The following CCDC158 variants were observed in gnomAD, a reference collection of about 807,000 sequenced individuals.
CCDC158 encodes coiled-coil domain containing 158.
In CCDC158, 116 loss-of-function variants were observed where a neutral mutation model predicts 138.6. The observed-to-expected ratio is 0.84, with a 90% CI of 0.72 to 0.98. CCDC158 has a LOEUF of 0.98. Among genes scored for constraint, CCDC158 ranks in the 50% least tolerant of loss-of-function variants. CCDC158 has a pLI of 0.00. For missense variants in CCDC158, 1,265 were observed against 1,306.1 expected, an observed-to-expected ratio of 0.97 and a Z score of 0.48; for synonymous variants, 436 against 442.4, an observed-to-expected ratio of 0.99 and a Z score of 0.18.
rs544169628 is a variant in CCDC158, at chr4:76,351,615, T to C, written c.2538+105A>G. ...CATTGCTATTAATAGTATCAAGTAA[T>C]GTTGAAATATACTTGAATGTGTATC... is the stretch of plus-strand genomic sequence containing the variant. On this transcript the variant is annotated intron_variant, in intron 17 of 24. Transcript: ENST00000682701. 3 of 674,524 alleles carry C rather than the reference T, an allele frequency of 4.4e-6. No individual in the cohort carries two copies. The East Asian group carries it at 8.0e-5, about 18-fold the overall frequency. The allele number at this position is 674,524 out of a possible 1,614,324, so 41.8% of individuals were successfully genotyped here. A position where few individuals can be genotyped will look rare whatever the true frequency, so the allele number is the denominator to read the frequency against.
At chr4:76,389,708 A>C (rs1262171561) in intron 4 of CCDC158, among the ~76,000 whole-genome samples, 2 of 152,248 alleles carry the variant, frequency 1.3e-5, no homozygotes, top group Non-Finnish European at 2.9e-5. Context: ...TCCTGAAAGC[A>C]GCAAGAGAAA....
At chr4:76,398,431 C>A (rs1728027801) in intron 3 of CCDC158, among the ~76,000 whole-genome samples, 2 of 152,052 alleles carry the variant, frequency 1.3e-5, no homozygotes, top group Non-Finnish European at 2.9e-5. Flanking sequence ...CTTTGGGAGG[C>A]CAAGGCAGGT....
rs1724778637 is a variant in CCDC158, at chr4:76,367,355, A to G, written c.1769T>C (p.Val590Ala). ...QHGRTAGAMQ[V>A]EKAQLEKEIN... The stretch of plus-strand genomic sequence containing the variant: ...TTCTTTCTCCAGTTGAGCTTTTTCT[A>G]CTTGCATAGCTCCAGCAGTTCGTCC... Residue 590 changes from valine (V) to alanine (A), a missense_variant, in exon 12 of 25, where the codon GTA becomes GCA. Val to Ala is a moderately conservative substitution (Grantham distance 64). Transcript: ENST00000682701. 5 of 1,614,050 alleles carry G rather than the reference A, an allele frequency of 3.1e-6. No individual in the cohort carries two copies. The East Asian group carries it at 1.1e-4, about 36-fold the overall frequency.
intron 20 of CCDC158, 100 bp from the exon 21 acceptor site, chr4:76,331,503 G>A: frequency 1.1e-6 from 1 of 934,452 alleles, no homozygotes; most frequent in Non-Finnish European, 1.7e-6. Context: ...CTTATGTAGG[G>A]TGAAATGGTA....
chr4:76,329,345 G>A (rs1022661295), intron 21 of CCDC158, among the ~76,000 whole-genome samples: 1 of 152,060 alleles, frequency 6.6e-6, no homozygotes, highest in Non-Finnish European at 1.5e-5. Context: ...CAGCACTTTC[G>A]GAGGCTGACG....
rs117960582 is a variant in CCDC158 at position 76,386,262 on chromosome 4, A to G, written c.289-1597T>C. On this transcript the variant is annotated intron_variant, in intron 4 of 24. Coordinates refer to ENST00000682701, the MANE Select transcript of CCDC158 (RefSeq NM_001394954.1). Reference sequence around the variant, plus strand: ...TCTGCACACAGAAGAGCACCATCATAAGAACACGAAAGTCAAGTGAAAAAT... The same window carrying G: ...TCTGCACACAGAAGAGCACCATCATGAGAACACGAAAGTCAAGTGAAAAAT... Among the ~76,000 whole-genome samples the G allele has an allele frequency of 5.5e-4, 68 of 124,126 alleles. 1 individual carries two copies. The East Asian group carries it at 0.016, about 30-fold the overall frequency. The allele number at this position is 124,126 out of a possible 152,430, so 81.4% of individuals were successfully genotyped here. A position where few individuals can be genotyped will look rare whatever the true frequency, so the allele number is the denominator to read the frequency against.
intron 1 of CCDC158, among the ~76,000 whole-genome samples, chr4:76,417,919 T>C (rs1351489231): frequency 6.6e-6 from 1 of 151,998 alleles, no homozygotes; most frequent in African/African-American, 2.4e-5. Flanking sequence ...GGTAGCTAAG[T>C]GGGGATGAGA....
chr4:76,374,009 A>C (rs549554420), intron 9 of CCDC158, among the ~76,000 whole-genome samples: 2 of 152,176 alleles, frequency 1.3e-5, no homozygotes, highest in African/African-American at 4.8e-5. Context: ...AAATAAAATT[A>C]GCCTGGCATG....
At chr4:76,327,499 T>G (rs1458980350) in intron 22 of CCDC158, among the ~76,000 whole-genome samples, 1 of 152,210 alleles carries the variant, frequency 6.6e-6, no homozygotes, top group Non-Finnish European at 1.5e-5. Flanking sequence ...CTGTAGAGCA[T>G]GTTACTGTAC....
At chr4:76,356,767 C>G (rs1723613124) in intron 14 of CCDC158, 1 of 152,144 alleles carries the variant, frequency 6.6e-6, no homozygotes, top group African/African-American at 2.4e-5. Context: ...AAAGTATATA[C>G]TTTAATTAGA....
In CCDC158 at chr4:76,371,627, T is replaced by C. The variant is rs577546906; in HGVS notation, c.1030-91A>G. 20 of 1,485,096 alleles carry C rather than the reference T, an allele frequency of 1.3e-5. No homozygotes were observed. The East Asian group carries it at 3.3e-4, about 24-fold the overall frequency. The allele number at this position is 1,485,096 out of a possible 1,614,324, so 92.0% of individuals were successfully genotyped here. On this transcript the variant is annotated intron_variant, in intron 9 of 24. Transcript: ENST00000682701. ...ACTTTGGAAAACAAATGGTATTATT[T>C]TGAGAACAAAAATAAAAGTTCGTTG... is the stretch of plus-strand genomic sequence containing the variant.
At chr4:76,381,982 A>G (rs920089476) in intron 8 of CCDC158, among the ~76,000 whole-genome samples, 1 of 152,210 alleles carries the variant, frequency 6.6e-6, no homozygotes, top group African/African-American at 2.4e-5. Context: ...TGCCCAGCCA[A>G]TAATTGTATT....
At chr4:76,347,003 G>C (rs1041019521) in intron 18 of CCDC158, among the ~76,000 whole-genome samples, 1 of 152,116 alleles carries the variant, frequency 6.6e-6, no homozygotes, top group Non-Finnish European at 1.5e-5. Flanking sequence ...AGTTAGAATG[G>C]CGATCTTAAA....
In CCDC158 at chr4:76,331,441, A is replaced by C; in HGVS notation, c.2883-38T>G. The C allele has an allele frequency of 2.6e-6, 4 of 1,563,490 alleles. No individual in the cohort carries two copies. In the African/African-American group the frequency reaches 5.4e-5, roughly 21 times the overall value. Reference sequence around the variant, plus strand: ...GGATGGGAGAAATCACAGTTTAAATAATGTTATTTCCTTACCAATATAACA... The same window carrying C: ...GGATGGGAGAAATCACAGTTTAAATCATGTTATTTCCTTACCAATATAACA... On this transcript the variant is annotated intron_variant, in intron 20 of 24. Transcript: ENST00000682701.
chr4:76,330,829 G>A (rs191877907), intron 21 of CCDC158, among the ~76,000 whole-genome samples: 2 of 152,066 alleles, frequency 1.3e-5, no homozygotes, highest in African/African-American at 4.8e-5. Context: ...TCTCTGCAGG[G>A]GTCCTGGAAC....
At chr4:76,378,165 G>A (rs749025011) in intron 9 of CCDC158, among the ~76,000 whole-genome samples, 1 of 152,006 alleles carries the variant, frequency 6.6e-6, no homozygotes, top group Non-Finnish European at 1.5e-5. Context: ...ATTTCCATGC[G>A]CGAGCCAAGT....
At chr4:76,409,779 G>A (rs563904410) in intron 2 of CCDC158, among the ~76,000 whole-genome samples, 1 of 151,852 alleles carries the variant, frequency 6.6e-6, no homozygotes, top group Non-Finnish European at 1.5e-5. Flanking sequence ...TGCAGTGAGC[G>A]GAGATCACGC....
At chr4:76,373,304 G>C (rs1418675311) in intron 9 of CCDC158, among the ~76,000 whole-genome samples, 1 of 152,158 alleles carries the variant, frequency 6.6e-6, no homozygotes, top group Non-Finnish European at 1.5e-5. Context: ...TTAGTTATAT[G>C]GTGATATCTT....
At chr4:76,313,375 T>C in intron 24 of CCDC158, 129 bp from the exon 25 acceptor site, 1 of 522,108 alleles carries the variant, frequency 1.9e-6, no homozygotes, top group Non-Finnish European at 3.3e-6. Flanking sequence ...TTCTTAAAAA[T>C]TGTGATGTAG....
Sources: gnomAD v4.1 joint callset for allele counts (sites outside exome capture counted in the v4.1 genomes callset) on GRCh38, gnomAD v4.1.1 for gene constraint, MANE v1.5 for transcripts, NCBI Gene and HGNC (gene_info 2026-07-23, HGNC 2026-07-21) for gene names.